The following KLB variants were observed in gnomAD, a reference collection of about 807,000 sequenced individuals.
KLB encodes beta-klotho.
KLB carries 44 observed loss-of-function variants against 88.4 expected under a neutral mutation model. The ratio of observed to expected loss-of-function variants is 0.50; its 90% confidence interval spans 0.39 to 0.64. The LOEUF (loss-of-function observed/expected upper bound fraction) is 0.64, where lower values mean the gene tolerates loss of function less well. Among genes scored for constraint, KLB ranks in the 30% least tolerant of loss-of-function variants. The pLI is 0.00. For missense variants in KLB, 1,137 were observed against 1,304.8 expected, an observed-to-expected ratio of 0.87 and a Z score of 1.98; for synonymous variants, 548 against 513.4, an observed-to-expected ratio of 1.07 and a Z score of -0.91.
At position 39,450,047 on chromosome 4, in the gene KLB, G is replaced by A. The variant is rs1010469759; in HGVS notation, c.*1361G>A. 6.6e-5 allele frequency: 10 copies of A among 152,212 alleles called. No homozygotes were observed. Among genetic ancestry groups the A allele is most frequent in the African/African-American group, 2.4e-4 (10 of 41,466 alleles). 9.4% of individuals were successfully genotyped at this position (152,212 alleles called of 1,614,324 possible). A position where few individuals can be genotyped will look rare whatever the true frequency, so the allele number is the denominator to read the frequency against. ...GTGAATAGAAGTTGCTATACTGTAAGTAAAGCAACAATTCAGAATACTGAA... is the reference window on the plus strand; with the variant it reads ...GTGAATAGAAGTTGCTATACTGTAAATAAAGCAACAATTCAGAATACTGAA... On this transcript the variant is annotated 3_prime_UTR_variant, in exon 5 of 5. Transcript: ENST00000257408.
At chr4:39,433,689 G>A (rs142635699) in intron 1 of KLB, among the ~76,000 whole-genome samples, 33 of 152,168 alleles carry the variant, frequency 2.2e-4, no homozygotes, top group African/African-American at 7.7e-4. Flanking sequence ...GTGAAACCCT[G>A]TCTCTACTGA....
chr4:39,412,247 TGA>T (rs1742869422), intron 1 of KLB, among the ~76,000 whole-genome samples: 1 of 152,144 alleles, frequency 6.6e-6, no homozygotes, highest in South Asian at 2.1e-4. Context: ...AGAAATATTA[TGA>T]ACATTTACAT....
Position 39,446,702 on chromosome 4 carries a change from AC to A in KLB, c.1977del (p.Asp659GlufsTer4). On this transcript the variant is annotated frameshift_variant, in exon 4 of 5. Coordinates refer to ENST00000257408, the MANE Select transcript of KLB (RefSeq NM_175737.4). LOFTEE classifies it high-confidence loss of function. This position sits in a 1 kb window ranked among gnomAD's most constrained non-coding sequence, Gnocchi z 6.4. Reference sequence around the variant, plus strand: ...CTCCCCGAGCCTCTGTTGCATGCCGACGGGTGGCTGAACCCATCGACGGCCG... The same window carrying A: ...CTCCCCGAGCCTCTGTTGCATGCCGAGGGTGGCTGAACCCATCGACGGCCG... ...LGLPEPLLHA[D>X]GWLNPSTAEA... 1 of 1,610,436 alleles carries A rather than the reference AC, an allele frequency of 6.2e-7. No individual in the cohort carries two copies. Among genetic ancestry groups the A allele is most frequent in the Non-Finnish European group, 8.5e-7 (1 of 1,177,738 alleles).
intron 1 of KLB, among the ~76,000 whole-genome samples, chr4:39,432,041 C>T (rs1359948628): frequency 6.6e-6 from 1 of 152,152 alleles, no homozygotes; most frequent in Admixed American, 6.6e-5. Context: ...AATCCCAGCA[C>T]TTTGGGAGGC....
rs377745732 is a variant in KLB at position 39,419,887 on chromosome 4, T to C, written c.825+12113T>C. On this transcript the variant is annotated intron_variant, in intron 1 of 4. Coordinates refer to ENST00000257408, the MANE Select transcript of KLB (RefSeq NM_175737.4). ...TGAACCTGGGAGGCGGAGGTTGCAG[T>C]GAGCCAAGATCGTGCCACTGCACTC... Among the ~76,000 whole-genome samples, 574 of 133,222 alleles carry C rather than the reference T, an allele frequency of 4.3e-3. 2 individuals are homozygous for C. The highest frequency in any genetic ancestry group is 0.016 in the African/African-American group (550 of 33,732). The allele number at this position is 133,222 out of a possible 152,430, so 87.4% of individuals were successfully genotyped here.
intron 3 of KLB, among the ~76,000 whole-genome samples, chr4:39,440,811 G>A (rs1173458520): frequency 6.6e-6 from 1 of 152,026 alleles, no homozygotes; most frequent in Non-Finnish European, 1.5e-5. Context: ...GCCTGTCTCG[G>A]CCTCCCAAAG....
chr4:39,432,541 G>A (rs758904296), intron 1 of KLB, among the ~76,000 whole-genome samples: 12 of 152,054 alleles, frequency 7.9e-5, no homozygotes, highest in Admixed American at 1.3e-4. Flanking sequence ...TTAATTTAAT[G>A]CCATATTTTA....
At position 39,450,307 on chromosome 4, in the gene KLB, T is replaced by C. The variant is rs1310829690; in HGVS notation, c.*1621T>C. 6.6e-6 allele frequency: 1 copy of C among 152,240 alleles called. No homozygotes were observed. The highest frequency in any genetic ancestry group is 1.9e-4 in the East Asian group (1 of 5,208). 9.4% of individuals were successfully genotyped at this position (152,240 alleles called of 1,614,324 possible). A position where few individuals can be genotyped will look rare whatever the true frequency, so the allele number is the denominator to read the frequency against. On this transcript the variant is annotated 3_prime_UTR_variant, in exon 5 of 5. Coordinates refer to ENST00000257408, the MANE Select transcript of KLB (RefSeq NM_175737.4). Reference sequence around the variant, plus strand: ...TGTCCTTGTCTGCTCACTCCAGCAATTTAGACCTTAACAGTCACAAGAGAC... The same window carrying C: ...TGTCCTTGTCTGCTCACTCCAGCAACTTAGACCTTAACAGTCACAAGAGAC...
chr4:39,442,538 A>G (rs1743633472), intron 3 of KLB, among the ~76,000 whole-genome samples: 1 of 150,376 alleles, frequency 6.6e-6, no homozygotes, highest in African/African-American at 2.5e-5. Flanking sequence ...GGTTCAAGAG[A>G]TTCCCCTGCC....
intron 1 of KLB, among the ~76,000 whole-genome samples, chr4:39,418,717 G>A (rs1389669028): frequency 6.6e-6 from 1 of 151,486 alleles, no homozygotes; most frequent in Admixed American, 6.6e-5. Context: ...GGAGACTGAG[G>A]CAGGTGGATC....
rs1743048987 is a variant in KLB, at chr4:39,420,120, G to C, written c.825+12346G>C. Among the ~76,000 whole-genome samples, 3 of 152,028 alleles carry C rather than the reference G, an allele frequency of 2.0e-5. 1 individual carries two copies. Among genetic ancestry groups the C allele is most frequent in the African/African-American group, 7.2e-5 (3 of 41,402 alleles). On this transcript the variant is annotated intron_variant, in intron 1 of 4. Coordinates refer to ENST00000257408, the MANE Select transcript of KLB (RefSeq NM_175737.4). ...CAGAAGTAATTAAAGTAATCCTTGG[G>C]TGATCTAGTAGTGTTACTTGAAAAT...
intron 1 of KLB, among the ~76,000 whole-genome samples, chr4:39,421,352 GT>G (rs1423455222): frequency 6.6e-6 from 1 of 152,204 alleles, no homozygotes; most frequent in Non-Finnish European, 1.5e-5. Context: ...ATATAACTTT[GT>G]GTAATGAACA....
chr4:39,442,614 T>C (rs1424000604), intron 3 of KLB, among the ~76,000 whole-genome samples: 6 of 152,160 alleles, frequency 3.9e-5, no homozygotes, highest in African/African-American at 1.4e-4. Flanking sequence ...TTTGTATTTT[T>C]AGTAGAGACG....
chr4:39,424,932 A>C (rs115301780), intron 1 of KLB, among the ~76,000 whole-genome samples: 1,930 of 152,182 alleles, frequency 0.013, 44 homozygotes, highest in African/African-American at 0.044. Context: ...CCAGGCCTCC[A>C]TGGTGGTTTA....
At chr4:39,410,510 C>G (rs1031552696) in intron 1 of KLB, among the ~76,000 whole-genome samples, 1 of 152,198 alleles carries the variant, frequency 6.6e-6, no homozygotes, top group Non-Finnish European at 1.5e-5. Flanking sequence ...GTGAAATACA[C>G]TGCATGACCC....
chr4:39,410,507 A>G (rs1742815702), intron 1 of KLB, among the ~76,000 whole-genome samples: 1 of 152,248 alleles, frequency 6.6e-6, no homozygotes, highest in Non-Finnish European at 1.5e-5. Context: ...AAAGTGAAAT[A>G]CACTGCATGA....
chr4:39,429,920 G>A (rs1016857246), intron 1 of KLB, among the ~76,000 whole-genome samples: 8 of 152,116 alleles, frequency 5.3e-5, no homozygotes, highest in African/African-American at 1.9e-4. Flanking sequence ...CTTCAGCCCA[G>A]AGCAAAGATA....
At position 39,448,675 on chromosome 4, in the gene KLB, G is replaced by C; in HGVS notation, c.3124G>C (p.Val1042Leu). Residue 1042 changes from valine to leucine, a missense_variant, in exon 5 of 5, where the codon GTT (valine) becomes CTT (leucine). This residue lies in a region of KLB where 426 missense variants were observed against 404.6 expected (regional missense o/e 1.05). Coordinates refer to ENST00000257408, the MANE Select transcript of KLB (RefSeq NM_175737.4). ...QHIPLKKGKR[V>L]VS ...CATACCATTAAAGAAAGGCAAGAGA[G>C]TTGTTAGCTAAACTGATCTGTCTGC... The C allele has an allele frequency of 1.2e-6, 2 of 1,608,262 alleles. No homozygotes were observed. The highest frequency in any genetic ancestry group is 1.7e-6 in the Non-Finnish European group (2 of 1,179,386).
chr4:39,448,309 A>AT lies in KLB; in HGVS notation c.2760dup (p.Asp921Ter). 1 of 1,585,752 alleles carries AT rather than the reference A, an allele frequency of 6.3e-7. No homozygotes were observed. ...TTTCTTATCTTTTTCAGCATACCTG[A>AT]TTGATAAAGTCAGAATCAAAGGCTA... On this transcript the variant is annotated frameshift_variant, in exon 5 of 5. Coordinates refer to ENST00000257408, the MANE Select transcript of KLB (RefSeq NM_175737.4). LOFTEE classifies it low-confidence loss of function (END_TRUNC).
Sources: allele counts gnomAD v4.1 joint callset (sites outside exome capture counted in the v4.1 genomes callset), GRCh38; gene constraint gnomAD v4.1.1; regional missense constraint gnomAD v4.1.1; non-coding constraint Gnocchi (gnomAD v3.1); transcripts MANE v1.5; gene names NCBI Gene and HGNC (gene_info 2026-07-23, HGNC 2026-07-21).